Variants in GRAMD1C observed in about 807,000 individuals in gnomAD.
The protein encoded by GRAMD1C is protein Aster-C.
A neutral mutation model predicts 97.8 loss-of-function variants in GRAMD1C; 89 were observed. The ratio of observed to expected loss-of-function variants is 0.91; its 90% CI spans 0.77 to 1.09. GRAMD1C has a LOEUF of 1.09. Ranked by LOEUF, GRAMD1C falls within the 50% of genes least tolerant of loss-of-function variation. The pLI, the probability that GRAMD1C is intolerant of heterozygous loss-of-function variation, is 0.00. For synonymous variants in GRAMD1C, 256 were observed against 267.0 expected (o/e 0.96, Z 0.40); for missense variants, 740 against 766.4 (o/e 0.97, Z 0.41).
At chr3:113,884,576 T>C (rs2107405165) in intron 6 of GRAMD1C, among the ~76,000 whole-genome samples, 1 of 152,304 alleles carries the variant, frequency 6.6e-6, no homozygotes, top group East Asian at 1.9e-4. Flanking sequence ...CTCACACCTG[T>C]AATCCCAGCA....
At position 113,885,500 on chromosome 3, in the gene GRAMD1C, T is replaced by C; in HGVS notation, c.540+2668T>C. Reference sequence around the variant, plus strand: ...AGGAGGAAGATCCTGGTGCTGGATCTGGATGAGACACTTATTCACTCCCAC... The same window carrying C: ...AGGAGGAAGATCCTGGTGCTGGATCCGGATGAGACACTTATTCACTCCCAC... On this transcript the variant is annotated intron_variant, in intron 6 of 17. Transcript: ENST00000358160. 3 of 1,606,686 alleles carry C rather than the reference T, an allele frequency of 1.9e-6. No individual in the cohort carries two copies. The South Asian group carries it at 3.3e-5, about 18-fold the overall frequency.
intron 5 of GRAMD1C, among the ~76,000 whole-genome samples, chr3:113,879,149 G>C (rs2107392827): frequency 6.6e-6 from 1 of 151,710 alleles, no homozygotes; most frequent in Middle Eastern, 3.4e-3. Flanking sequence ...AGGTTGCAGT[G>C]AGTCGAGACC....
chr3:113,838,950 C>T lies in GRAMD1C; in HGVS notation c.27+14C>T. 1 of 1,239,482 alleles carries T rather than the reference C, an allele frequency of 8.1e-7. No homozygotes were observed. The highest frequency in any genetic ancestry group is 1.0e-6 in the Non-Finnish European group (1 of 989,026). The allele number at this position is 1,239,482 out of a possible 1,614,324, so 76.8% of individuals were successfully genotyped here. On this transcript the variant is annotated intron_variant, in intron 1 of 17. Coordinates refer to ENST00000358160, the MANE Select transcript of GRAMD1C (RefSeq NM_017577.5). The stretch of plus-strand genomic sequence containing the variant: ...ACTGTCCGTCAGGTAAGCCGCGGGC[C>T]TCGCTGGGGCAGGTTCCCATCTGTG...
intron 6 of GRAMD1C, among the ~76,000 whole-genome samples, chr3:113,884,512 G>C (rs1935374381): frequency 6.6e-6 from 1 of 152,114 alleles, no homozygotes; most frequent in South Asian, 2.1e-4. Flanking sequence ...AAGAATGATA[G>C]TGAATCAATA....
Position 113,875,596 on chromosome 3 carries a change from T to A in GRAMD1C, c.363+9T>A. On this transcript the variant is annotated intron_variant, in intron 4 of 17. Coordinates refer to ENST00000358160, the MANE Select transcript of GRAMD1C (RefSeq NM_017577.5). Reference sequence around the variant, plus strand: ...TCAGATGGGAAACTACAGTAAGACATTTTGCATTTGATTTGTTGATACAAA... The same window carrying A: ...TCAGATGGGAAACTACAGTAAGACAATTTGCATTTGATTTGTTGATACAAA... The A allele has an allele frequency of 8.7e-7, 1 of 1,150,000 alleles. No individual in the cohort carries two copies. The highest frequency in any genetic ancestry group is 1.3e-6 in the Non-Finnish European group (1 of 755,158). 71.2% of individuals were successfully genotyped at this position (1,150,000 alleles called of 1,614,324 possible). A position where few individuals can be genotyped will look rare whatever the true frequency, so the allele number is the denominator to read the frequency against.
At chr3:113,896,856 C>G (rs1171194756) in intron 6 of GRAMD1C, among the ~76,000 whole-genome samples, 1 of 152,074 alleles carries the variant, frequency 6.6e-6, no homozygotes, top group African/African-American at 2.4e-5. Context: ...GCAAATTTTG[C>G]TTCTTTATTT....
chr3:113,877,053 G>A (rs1437237335), intron 5 of GRAMD1C, among the ~76,000 whole-genome samples: 1 of 151,980 alleles, frequency 6.6e-6, no homozygotes, highest in Non-Finnish European at 1.5e-5. Context: ...TTGCCATGTT[G>A]CACAGGCCAG....
In GRAMD1C at chr3:113,858,674, G is replaced by C. The variant is rs564512839; in HGVS notation, c.175-10833G>C. ...TTCCCAAAGTGCTGGGATTACAGGCGTGAGCCACTGCACCTGGCCTCCCAG... is the reference window on the plus strand; with the variant it reads ...TTCCCAAAGTGCTGGGATTACAGGCCTGAGCCACTGCACCTGGCCTCCCAG... On this transcript the variant is annotated intron_variant, in intron 2 of 17. Coordinates refer to ENST00000358160, the MANE Select transcript of GRAMD1C (RefSeq NM_017577.5). Among the ~76,000 whole-genome samples, 6 of 152,174 alleles carry C rather than the reference G, an allele frequency of 3.9e-5. No individual in the cohort carries two copies. The South Asian group carries it at 1.2e-3, about 32-fold the overall frequency.
chr3:113,864,706 G>A (rs35780165), intron 2 of GRAMD1C, among the ~76,000 whole-genome samples: 7 of 152,038 alleles, frequency 4.6e-5, no homozygotes, highest in African/African-American at 7.2e-5. Flanking sequence ...ACATTTCTAC[G>A]GACGTTCTGT....
At chr3:113,898,451 G>C (rs1936020658) in intron 6 of GRAMD1C, among the ~76,000 whole-genome samples, 1 of 152,064 alleles carries the variant, frequency 6.6e-6, no homozygotes, top group Admixed American at 6.5e-5. Context: ...TTAGTAGTGT[G>C]AGTTATTATT....
intron 10 of GRAMD1C, chr3:113,919,701 A>T: frequency 1.6e-6 from 1 of 622,306 alleles, no homozygotes; most frequent in Non-Finnish European, 3.0e-6. Flanking sequence ...CCTGATGTTA[A>T]CAACTGTATT....
chr3:113,933,158 T>C (rs534486780), intron 11 of GRAMD1C, among the ~76,000 whole-genome samples: 1 of 152,340 alleles, frequency 6.6e-6, no homozygotes, highest in African/African-American at 2.4e-5. Flanking sequence ...GTGTTAGGAT[T>C]ACAGGCGTGA....
At chr3:113,923,909 G>A (rs1937146649) in intron 10 of GRAMD1C, among the ~76,000 whole-genome samples, 1 of 151,988 alleles carries the variant, frequency 6.6e-6, no homozygotes, top group Admixed American at 6.6e-5. Context: ...ATCGGGTCCT[G>A]GGCTTTTTTT....
chr3:113,851,969 A>G (rs1421131582), intron 2 of GRAMD1C, among the ~76,000 whole-genome samples: 1 of 152,098 alleles, frequency 6.6e-6, no homozygotes. Flanking sequence ...CCTGGGCTCA[A>G]GCGATTCTCG....
chr3:113,846,451 C>T (rs1933617794), intron 2 of GRAMD1C, among the ~76,000 whole-genome samples: 2 of 152,120 alleles, frequency 1.3e-5, no homozygotes, highest in Non-Finnish European at 2.9e-5. Context: ...ATTGGGGAAC[C>T]TTCATACTCT....
intron 10 of GRAMD1C, among the ~76,000 whole-genome samples, chr3:113,916,864 T>G (rs374227623): frequency 2.0e-3 from 306 of 152,314 alleles, no homozygotes; most frequent in African/African-American, 7.1e-3. Context: ...AGTTTTATTT[T>G]GGGGCTGGGT....
At chr3:113,895,666 G>A (rs1935910366) in intron 6 of GRAMD1C, among the ~76,000 whole-genome samples, 1 of 152,190 alleles carries the variant, frequency 6.6e-6, no homozygotes, top group Non-Finnish European at 1.5e-5. Context: ...TAGCATGGCA[G>A]TATAGAAGTG....
chr3:113,874,926 T>G (rs1934968408), intron 3 of GRAMD1C, among the ~76,000 whole-genome samples: 3 of 152,204 alleles, frequency 2.0e-5, no homozygotes, highest in Admixed American at 2.0e-4. Flanking sequence ...TCCTGTTCCT[T>G]CCACTTAAAG....
upstream of GRAMD1C, among the ~76,000 whole-genome samples, chr3:113,838,089 T>A (rs760341350): frequency 1.3e-5 from 2 of 152,198 alleles, no homozygotes; most frequent in African/African-American, 4.8e-5. Context: ...ATGAGGCATG[T>A]CCAATCCCCT....
Sources: allele counts gnomAD v4.1 joint callset (sites outside exome capture counted in the v4.1 genomes callset), GRCh38; gene constraint gnomAD v4.1.1; transcripts MANE v1.5; gene names NCBI Gene and HGNC (gene_info 2026-07-23, HGNC 2026-07-21).